Variants in PTPN12 observed in about 807,000 individuals in gnomAD.
PTPN12 encodes tyrosine-protein phosphatase non-receptor type 12.
Under a neutral mutation model 97.6 loss-of-function variants are expected in PTPN12, and 29 were observed. The ratio of observed to expected loss-of-function variants is 0.30; its 90% CI spans 0.22 to 0.41. PTPN12 has a LOEUF of 0.41. Ranked by LOEUF, PTPN12 falls within the 10% of genes least tolerant of loss-of-function variation. The pLI is 1.00. For synonymous variants in PTPN12, 327 were observed against 300.4 expected (o/e 1.09, Z -0.91); for missense variants, 819 against 926.0 (o/e 0.88, Z 1.50).
chr7:77,638,896 T>G (rs960035670), intron 17 of PTPN12, 165 bp downstream of exon 17: 2 of 1,208,880 alleles, frequency 1.7e-6, no homozygotes, highest in African/African-American at 3.1e-5. Flanking sequence ...TATTTCACAT[T>G]GAGATTAAAA....
rs1454502547 is a variant in PTPN12, at chr7:77,625,468, G to GCTCGCT, written c.1026-1233_1026-1228dup. Among the ~76,000 whole-genome samples the GCTCGCT allele has an allele frequency of 1.3e-3, 31 of 24,750 alleles. 2 individuals are homozygous for GCTCGCT. The highest frequency in any genetic ancestry group is 1.5e-3 in the Non-Finnish European group (23 of 15,580). 16.2% of individuals were successfully genotyped at this position (24,750 alleles called of 152,430 possible). ...AGGGTTTTGCCATATTGCCCAGGCTGCTCGCTCTCTCTCTCTCTCTCTCTC... is the reference window on the plus strand; with the variant it reads ...AGGGTTTTGCCATATTGCCCAGGCTGCTCGCTCTCGCTCTCTCTCTCTCTCTCTCTC... On this transcript the variant is annotated intron_variant, in intron 12 of 17. Transcript: ENST00000248594.
intron 5 of PTPN12, 120 bp from the exon 6 acceptor site, chr7:77,592,065 A>G: frequency 1.3e-6 from 1 of 789,912 alleles, no homozygotes; most frequent in Non-Finnish European, 2.1e-6. Flanking sequence ...ATGCCTGCTA[A>G]TGTGGGTTTT....
chr7:77,573,691 C>G (rs1041463306), intron 2 of PTPN12, among the ~76,000 whole-genome samples: 13 of 152,204 alleles, frequency 8.5e-5, no homozygotes, highest in Admixed American at 2.0e-4. Flanking sequence ...TGCACACATT[C>G]AAAGAGTTAG....
At chr7:77,603,684 A>G (rs928973445) in intron 8 of PTPN12, among the ~76,000 whole-genome samples, 4 of 152,130 alleles carry the variant, frequency 2.6e-5, no homozygotes, top group Non-Finnish European at 5.9e-5. Flanking sequence ...ATCTGCAGTT[A>G]TTAGGACAAA....
intron 14 of PTPN12, among the ~76,000 whole-genome samples, chr7:77,634,211 A>G (rs1194674382): frequency 6.6e-6 from 1 of 152,054 alleles, no homozygotes; most frequent in Non-Finnish European, 1.5e-5. Flanking sequence ...AGAAAAAAAA[A>G]AGACCACTGG....
chr7:77,599,911 A>C (rs1029623518), intron 7 of PTPN12, among the ~76,000 whole-genome samples: 2 of 152,202 alleles, frequency 1.3e-5, no homozygotes, highest in African/African-American at 4.8e-5. Context: ...GAGGATCCCA[A>C]AGTTTTTGTT....
At chr7:77,540,482 G>A (rs890140677) in intron 1 of PTPN12, among the ~76,000 whole-genome samples, 2 of 151,782 alleles carry the variant, frequency 1.3e-5, no homozygotes, top group Non-Finnish European at 2.9e-5. Context: ...CTGACTTTGT[G>A]ATCTGCCCGC....
chr7:77,624,480 C>T (rs1045300991), intron 12 of PTPN12, among the ~76,000 whole-genome samples: 1 of 152,008 alleles, frequency 6.6e-6, no homozygotes, highest in Non-Finnish European at 1.5e-5. Flanking sequence ...TGCTCTGTCA[C>T]CTAGGCTGGA....
At chr7:77,609,438 AT>A (rs1247572642) in intron 9 of PTPN12, among the ~76,000 whole-genome samples, 5 of 151,008 alleles carry the variant, frequency 3.3e-5, no homozygotes, top group African/African-American at 1.2e-4. Context: ...TGCCTGGCTA[AT>A]TTTTGTATTT....
intron 9 of PTPN12, among the ~76,000 whole-genome samples, chr7:77,608,978 T>C (rs117379263): frequency 0.018 from 2,796 of 152,298 alleles, 34 homozygotes; most frequent in Middle Eastern, 0.071. Context: ...CCAGCACTTT[T>C]GAAGGCTGAG....
chr7:77,568,711 A>T (rs1006351090), intron 1 of PTPN12, among the ~76,000 whole-genome samples: 2 of 152,222 alleles, frequency 1.3e-5, no homozygotes, highest in Non-Finnish European at 2.9e-5. Context: ...CCTGAGGTAC[A>T]TTCACATTTT....
intron 11 of PTPN12, among the ~76,000 whole-genome samples, chr7:77,617,570 T>C (rs1044690118): frequency 6.6e-6 from 1 of 152,126 alleles, no homozygotes; most frequent in Non-Finnish European, 1.5e-5. Context: ...CAAAACAAAA[T>C]GCAGCTACGG....
At chr7:77,578,268 T>G (rs1787399624) in intron 2 of PTPN12, among the ~76,000 whole-genome samples, 1 of 152,214 alleles carries the variant, frequency 6.6e-6, no homozygotes, top group African/African-American at 2.4e-5. Flanking sequence ...CTTCCTGTAG[T>G]TATTCAGCCA....
chr7:77,573,992 G>A (rs182665775), intron 2 of PTPN12, among the ~76,000 whole-genome samples: 2 of 152,088 alleles, frequency 1.3e-5, no homozygotes, highest in African/African-American at 2.4e-5. Context: ...AACTCCTAAC[G>A]TCAGGTCATC....
At chr7:77,544,755 C>T (rs1457942971) in intron 1 of PTPN12, among the ~76,000 whole-genome samples, 2 of 152,228 alleles carry the variant, frequency 1.3e-5, no homozygotes, top group East Asian at 1.9e-4. Context: ...TTAATTATCC[C>T]TGTATCCCCA....
At chr7:77,586,701 A>G (rs1300504358) in intron 5 of PTPN12, among the ~76,000 whole-genome samples, 2 of 152,228 alleles carry the variant, frequency 1.3e-5, no homozygotes, top group Non-Finnish European at 2.9e-5. Flanking sequence ...TTCTACCCAC[A>G]GTAGAACTAC....
Position 77,625,468 on chromosome 7 carries a change from G to GCTCT in PTPN12, c.1026-1234_1026-1233insTCTC, listed in dbSNP as rs139289279. On this transcript the variant is annotated intron_variant, in intron 12 of 17. Coordinates refer to ENST00000248594, the MANE Select transcript of PTPN12 (RefSeq NM_002835.4). ...AGGGTTTTGCCATATTGCCCAGGCTGCTCGCTCTCTCTCTCTCTCTCTCTC... is the reference window on the plus strand; with the variant it reads ...AGGGTTTTGCCATATTGCCCAGGCTGCTCTCTCGCTCTCTCTCTCTCTCTCTCTC... Among the ~76,000 whole-genome samples, 105 of 24,742 alleles carry GCTCT rather than the reference G, an allele frequency of 4.2e-3. 6 individuals carry two copies. Among genetic ancestry groups the GCTCT allele is most frequent in the African/African-American group, 0.011 (46 of 4,056 alleles). The allele number at this position is 24,742 out of a possible 152,430, so 16.2% of individuals were successfully genotyped here. A position where few individuals can be genotyped will look rare whatever the true frequency, so the allele number is the denominator to read the frequency against.
chr7:77,589,932 G>A (rs996954075), intron 5 of PTPN12, among the ~76,000 whole-genome samples: 12 of 152,144 alleles, frequency 7.9e-5, no homozygotes, highest in Admixed American at 2.0e-4. Flanking sequence ...TTTTTGAAGC[G>A]AAAGGTTTTT....
chr7:77,546,444 C>G (rs1807223253), intron 1 of PTPN12, among the ~76,000 whole-genome samples: 1 of 152,204 alleles, frequency 6.6e-6, no homozygotes, highest in Non-Finnish European at 1.5e-5. Flanking sequence ...TTGAACTCCT[C>G]TTCCAGCATT....
Sources: allele counts gnomAD v4.1 joint callset (sites outside exome capture counted in the v4.1 genomes callset), GRCh38; gene constraint gnomAD v4.1.1; transcripts MANE v1.5; gene names NCBI Gene and HGNC (gene_info 2026-07-23, HGNC 2026-07-21).